SCD5: variants seen among roughly 807,000 people sequenced by gnomAD.
SCD5 encodes acyl-CoA-desaturase 4.
In SCD5, 20 loss-of-function variants were observed where a neutral mutation model predicts 30.4. The ratio of observed to expected loss-of-function variants is 0.66; its 90% CI spans 0.46 to 0.96. SCD5 has a LOEUF of 0.96. Among genes scored for constraint, SCD5 ranks in the 40% least tolerant of loss-of-function variants. The pLI is 0.00. For synonymous variants in SCD5, 173 were observed against 176.4 expected, an observed-to-expected ratio of 0.98 and a Z score of 0.16; for missense variants, 381 against 443.3, an observed-to-expected ratio of 0.86 and a Z score of 1.26.
At chr4:82,700,763 G>T (rs2148826384) in intron 2 of SCD5, among the ~76,000 whole-genome samples, 2 of 121,554 alleles carry the variant, frequency 1.6e-5, no homozygotes, top group East Asian at 5.7e-4. Context: ...CTCCAGCCTG[G>T]GTGACGGAGT....
chr4:82,713,020 T>C (rs1197975533), intron 1 of SCD5, among the ~76,000 whole-genome samples: 2 of 152,228 alleles, frequency 1.3e-5, no homozygotes, highest in Non-Finnish European at 2.9e-5. Flanking sequence ...AATTCTATTA[T>C]ACTTACAATA....
intron 2 of SCD5, among the ~76,000 whole-genome samples, chr4:82,682,382 C>T (rs899486249): frequency 1.5e-4 from 8 of 54,594 alleles, no homozygotes; most frequent in Non-Finnish European, 3.0e-4. Flanking sequence ...GATCTACAGA[C>T]GTTTTTTTAC....
intron 1 of SCD5, among the ~76,000 whole-genome samples, chr4:82,719,028 C>T (rs969487463): frequency 8.6e-5 from 13 of 151,828 alleles, no homozygotes; most frequent in Admixed American, 2.0e-4. Flanking sequence ...TCAGGGGGCT[C>T]GCTGCTAGCC....
intron 1 of SCD5, among the ~76,000 whole-genome samples, chr4:82,774,123 T>C (rs1317200959): frequency 1.3e-5 from 2 of 149,826 alleles, no homozygotes; most frequent in South Asian, 4.2e-4. Flanking sequence ...AAATACATCC[T>C]ATGGAAATGC....
chr4:82,672,534 A>C (rs1375103620), intron 3 of SCD5, among the ~76,000 whole-genome samples: 3 of 152,174 alleles, frequency 2.0e-5, no homozygotes, highest in Non-Finnish European at 2.9e-5. Context: ...TATTAAGTGT[A>C]TTGAATCAAT....
At position 82,798,456 on chromosome 4, in the gene SCD5, C is replaced by G; in HGVS notation, c.82G>C (p.Glu28Gln). ...GGCCTCTCCGGGCCGCCGCCGCCCT[C>G]AGAGCTTTCGAGCCCGGCACGGATT... ...EEIRAGLESS[E>Q]GGGGPERPGA... Residue 28 changes from glutamate (E) to glutamine (Q), a missense_variant, in exon 1 of 5, where the codon GAG becomes CAG. Glu to Gln is a conservative substitution (Grantham distance 29). Coordinates refer to ENST00000319540, the MANE Select transcript of SCD5 (RefSeq NM_001037582.3). The G allele has an allele frequency of 6.2e-7, 1 of 1,613,102 alleles. No homozygotes were observed. The highest frequency in any genetic ancestry group is 8.5e-7 in the Non-Finnish European group (1 of 1,179,564).
At chr4:82,641,094 C>T (rs1193582414) in intron 3 of SCD5, among the ~76,000 whole-genome samples, 2 of 151,750 alleles carry the variant, frequency 1.3e-5, no homozygotes, top group East Asian at 3.9e-4. Flanking sequence ...AGAACTGAGA[C>T]AGAAGGTGAA....
intron 1 of SCD5, among the ~76,000 whole-genome samples, chr4:82,709,284 A>G (rs952845423): frequency 6.6e-6 from 1 of 152,144 alleles, no homozygotes; most frequent in Non-Finnish European, 1.5e-5. Flanking sequence ...CATCCCATTC[A>G]GCCTCGGCTT....
At chr4:82,632,575 T>C (rs1560519223) in intron 4 of SCD5, among the ~76,000 whole-genome samples, 1 of 152,182 alleles carries the variant, frequency 6.6e-6, no homozygotes, top group Non-Finnish European at 1.5e-5. Context: ...CTGGGTCAAA[T>C]GGTATTTCTA....
At chr4:82,651,472 G>A (rs1168491707) in intron 3 of SCD5, among the ~76,000 whole-genome samples, 3 of 152,082 alleles carry the variant, frequency 2.0e-5, no homozygotes, top group Non-Finnish European at 4.4e-5. Context: ...GGGAAAGGGT[G>A]GGGGGTGGTG....
At chr4:82,681,243 G>A (rs11938637) in intron 2 of SCD5, among the ~76,000 whole-genome samples, 14,430 of 152,076 alleles carry the variant, frequency 0.095, 1,072 homozygotes, top group African/African-American at 0.2. Flanking sequence ...GATCATTTAT[G>A]TCAAGAAAAA....
At chr4:82,777,798 G>A (rs903694057) in intron 1 of SCD5, among the ~76,000 whole-genome samples, 9 of 152,224 alleles carry the variant, frequency 5.9e-5, no homozygotes, top group Middle Eastern at 6.8e-3. Flanking sequence ...TTCTCGGCCA[G>A]TGTTTAAAAC....
chr4:82,730,739 C>T (rs1191792040), intron 1 of SCD5, among the ~76,000 whole-genome samples: 2 of 151,814 alleles, frequency 1.3e-5, no homozygotes, highest in Non-Finnish European at 2.9e-5. Flanking sequence ...GCACCCACCA[C>T]CACGCCCGGC....
At chr4:82,712,475 G>A (rs1313090645) in intron 1 of SCD5, among the ~76,000 whole-genome samples, 1 of 148,010 alleles carries the variant, frequency 6.8e-6, no homozygotes, top group Non-Finnish European at 1.5e-5. Context: ...GTGCCATCAC[G>A]CCTGGCTAAT....
intron 3 of SCD5, among the ~76,000 whole-genome samples, chr4:82,650,880 T>A (rs2148814701): frequency 6.6e-6 from 1 of 151,766 alleles, no homozygotes; most frequent in East Asian, 1.9e-4. Flanking sequence ...TAATATAAAA[T>A]TAATATTAAA....
intron 1 of SCD5, among the ~76,000 whole-genome samples, chr4:82,764,801 A>C (rs577287340): frequency 1.3e-5 from 2 of 149,174 alleles, no homozygotes; most frequent in Admixed American, 6.7e-5. Context: ...ATCTTAGCTC[A>C]CTGCAACCTC....
chr4:82,709,985 G>A (rs1720049170), intron 1 of SCD5, among the ~76,000 whole-genome samples: 1 of 152,266 alleles, frequency 6.6e-6, no homozygotes, highest in Admixed American at 6.5e-5. Context: ...GCAAAACTGA[G>A]ACCCAGAGAC....
At chr4:82,634,576 G>A (rs374166189) in intron 4 of SCD5, among the ~76,000 whole-genome samples, 16 of 152,206 alleles carry the variant, frequency 1.1e-4, no homozygotes, top group African/African-American at 3.9e-4. Flanking sequence ...ACATTATGAT[G>A]TACTCCCCAC....
chr4:82,708,232 G>A (rs1423232528), intron 1 of SCD5, among the ~76,000 whole-genome samples: 1 of 152,178 alleles, frequency 6.6e-6, no homozygotes, highest in Non-Finnish European at 1.5e-5. Flanking sequence ...GAGTTGTACA[G>A]TATGAGTTAT....
Sources: allele counts gnomAD v4.1 joint callset (sites outside exome capture counted in the v4.1 genomes callset), GRCh38; gene constraint gnomAD v4.1.1; transcripts MANE v1.5; gene names NCBI Gene and HGNC (gene_info 2026-07-23, HGNC 2026-07-21).